The following ASPRV1 variants were observed in gnomAD, a reference collection of about 807,000 sequenced individuals.
ASPRV1 encodes aspartic peptidase retroviral like 1.
A neutral mutation model predicts 11.0 loss-of-function variants in ASPRV1; 7 were observed. That is an observed-to-expected ratio of 0.64 (90% CI 0.36 to 1.20). ASPRV1 has a LOEUF of 1.20. Ranked by LOEUF, ASPRV1 falls within the 50% of genes most tolerant of loss-of-function variation. The pLI is 0.02. For synonymous variants in ASPRV1, 136 were observed against 138.4 expected (o/e 0.98, Z 0.12); for missense variants, 299 against 320.0 (o/e 0.93, Z 0.50).
the ASPRV1 span, among the ~76,000 whole-genome samples, chr2:70,078,258 A>T: frequency 2.3e-4 from 35 of 152,340 alleles, 1 homozygote; most frequent in Admixed American, 2.1e-3. Flanking sequence ...AGTCCTAACC[A>T]TCATGAAATT....
At chr2:70,078,566 G>C in the ASPRV1 span, among the ~76,000 whole-genome samples, 4 of 152,194 alleles carry the variant, frequency 2.6e-5, no homozygotes, top group South Asian at 6.2e-4. Flanking sequence ...CTGACATCTG[G>C]AAAAATGATG....
chr2:69,958,380 C>T (rs1677987141), downstream of ASPRV1, among the ~76,000 whole-genome samples: 1 of 152,190 alleles, frequency 6.6e-6, no homozygotes, highest in African/African-American at 2.4e-5. Flanking sequence ...GACCTGGGGG[C>T]TCAGACAGGC....
the ASPRV1 span, chr2:70,074,895 T>A: frequency 6.6e-6 from 1 of 151,236 alleles, no homozygotes; most frequent in Non-Finnish European, 1.5e-5. Flanking sequence ...GGCAGGCGGA[T>A]CACGAGGTCA....
At chr2:70,014,158 A>G in the ASPRV1 span, among the ~76,000 whole-genome samples, 1 of 152,346 alleles carries the variant, frequency 6.6e-6, no homozygotes, top group Non-Finnish European at 1.5e-5. Flanking sequence ...GAAAAAATAG[A>G]TATATTGGAC....
At chr2:70,039,333 T>C in the ASPRV1 span, among the ~76,000 whole-genome samples, 3 of 152,168 alleles carry the variant, frequency 2.0e-5, no homozygotes, top group Admixed American at 6.5e-5. Context: ...GTGTACTTGA[T>C]CTAGTAAACC....
chr2:69,935,109 T>C, the ASPRV1 span, among the ~76,000 whole-genome samples: 57 of 152,354 alleles, frequency 3.7e-4, 1 homozygote, highest in Middle Eastern at 3.4e-3. Flanking sequence ...TAGCAGATAT[T>C]ATTCCCTACC....
the ASPRV1 span, chr2:69,994,378 G>C: frequency 6.6e-6 from 1 of 152,330 alleles, no homozygotes. Flanking sequence ...TCCTGACACA[G>C]CATCTGTGGC....
chr2:70,071,379 G>C, the ASPRV1 span, among the ~76,000 whole-genome samples: 1 of 152,220 alleles, frequency 6.6e-6, no homozygotes, highest in Non-Finnish European at 1.5e-5. Flanking sequence ...TAGGAAGACT[G>C]TCTTCAAAGG....
the ASPRV1 span, chr2:70,000,449 T>TAAA: frequency 6.9e-6 from 1 of 145,546 alleles, no homozygotes; most frequent in Non-Finnish European, 1.5e-5. Context: ...ATAATAATAA[T>TAAA]AAACTACACA....
At chr2:69,946,796 G>T in the ASPRV1 span, among the ~76,000 whole-genome samples, 4 of 152,150 alleles carry the variant, frequency 2.6e-5, no homozygotes, top group African/African-American at 9.7e-5. Flanking sequence ...CAGAATGTGG[G>T]CATTGACAGT....
At chr2:69,970,471 C>T in the ASPRV1 span, among the ~76,000 whole-genome samples, 2 of 152,124 alleles carry the variant, frequency 1.3e-5, no homozygotes, top group Non-Finnish European at 2.9e-5. Flanking sequence ...ACAGGACGGG[C>T]TTTCTCATAC....
chr2:69,966,106 T>C (rs1472277393), upstream of ASPRV1, among the ~76,000 whole-genome samples: 1 of 152,186 alleles, frequency 6.6e-6, no homozygotes, highest in Non-Finnish European at 1.5e-5. Flanking sequence ...TGGGGAGCAG[T>C]GGTCCTGGCC....
chr2:70,020,274 A>G, the ASPRV1 span, among the ~76,000 whole-genome samples: 1 of 152,188 alleles, frequency 6.6e-6, no homozygotes, highest in Non-Finnish European at 1.5e-5. Context: ...AGAGTCCTGA[A>G]GAGGTTATTT....
the ASPRV1 span, among the ~76,000 whole-genome samples, chr2:69,989,186 T>A: frequency 3.3e-5 from 5 of 152,148 alleles, no homozygotes; most frequent in Non-Finnish European, 7.4e-5. Flanking sequence ...TGGCTCCATC[T>A]CCTCCTGGAG....
the ASPRV1 span, chr2:69,943,086 A>G: frequency 3.3e-5 from 5 of 152,162 alleles, no homozygotes; most frequent in African/African-American, 7.2e-5. Flanking sequence ...GGAGCCTGTG[A>G]TGAGGATTGA....
chr2:69,993,047 G>C, the ASPRV1 span, among the ~76,000 whole-genome samples: 1 of 152,348 alleles, frequency 6.6e-6, no homozygotes, highest in East Asian at 1.9e-4. Context: ...AAGCACCCCT[G>C]CAGTCACTCA....
the ASPRV1 span, among the ~76,000 whole-genome samples, chr2:70,074,612 T>C: frequency 6.6e-6 from 1 of 151,248 alleles, no homozygotes; most frequent in African/African-American, 2.4e-5. Context: ...ACCATAAAAC[T>C]AAAAAAAGTG....
chr2:69,937,885 A>G, the ASPRV1 span, among the ~76,000 whole-genome samples: 1 of 152,204 alleles, frequency 6.6e-6, no homozygotes, highest in East Asian at 1.9e-4. Flanking sequence ...AAGTGCTGGG[A>G]TTACAGGCGT....
chr2:69,961,090 C>G lies in ASPRV1; in HGVS notation c.347G>C (p.Gly116Ala). The G allele has an allele frequency of 6.2e-7, 1 of 1,613,864 alleles. No individual in the cohort carries two copies. The highest frequency in any genetic ancestry group is 8.5e-7 in the Non-Finnish European group (1 of 1,179,878). ...CCTCACGGGCACTTTGCCAATCTTC[C>G]CCTTGAGATAGTAGCCCTTACCCAT... is the stretch of plus-strand genomic sequence containing the variant. The part of the protein sequence containing the change: ...NSMGKGYYLK[G>A]KIGKVPVRFL... Residue 116 changes from glycine to alanine, a missense_variant, in exon 1 of 1, where the codon GGG becomes GCG. By Grantham distance (60) the Gly-to-Ala change is moderately conservative (BLOSUM62 0). Coordinates refer to ENST00000320256, the MANE Select transcript of ASPRV1 (RefSeq NM_152792.4).
Sources: allele counts gnomAD v4.1 joint callset (sites outside exome capture counted in the v4.1 genomes callset), GRCh38; gene constraint gnomAD v4.1.1; transcripts MANE v1.5; gene names NCBI Gene and HGNC (gene_info 2026-07-23, HGNC 2026-07-21).